The following LSMEM2 variants were observed in gnomAD, a reference collection of about 807,000 sequenced individuals.
The protein encoded by LSMEM2 is leucine-rich single-pass membrane protein 2.
LSMEM2 carries 20 observed loss-of-function variants against 17.3 expected under a neutral mutation model. That is an observed-to-expected ratio of 1.16 (90% CI 0.81 to 1.68). The LOEUF is 1.68. LSMEM2 is among the 40% of genes most tolerant of loss of function. The pLI is 0.00. For missense variants in LSMEM2, 207 were observed against 214.3 expected (o/e 0.97, Z 0.21); for synonymous variants, 94 against 97.8 (o/e 0.96, Z 0.23).
Position 50,287,291 on chromosome 3 carries a change from G to T in LSMEM2, c.*89G>T. ...GGTCTCTCCTTCCCTACTGCTGGCT[G>T]CCACATCTACACTATTTCCTTGGTG... On this transcript the variant is annotated 3_prime_UTR_variant, in exon 4 of 4. Transcript: ENST00000316436. 3 of 1,509,628 alleles carry T rather than the reference G, an allele frequency of 2.0e-6. No homozygotes were observed. Among genetic ancestry groups the T allele is most frequent in the Non-Finnish European group, 1.8e-6 (2 of 1,099,230 alleles). The allele number at this position is 1,509,628 out of a possible 1,614,324, so 93.5% of individuals were successfully genotyped here. A position where few individuals can be genotyped will look rare whatever the true frequency, so the allele number is the denominator to read the frequency against.
At chr3:50,284,203 C>CAAAA (rs1235329401) in intron 1 of LSMEM2, among the ~76,000 whole-genome samples, 2 of 41,352 alleles carry the variant, frequency 4.8e-5, no homozygotes, top group African/African-American at 1.1e-4. Flanking sequence ...AAGACTGTCT[C>CAAAA]AAAAAAAAAA....
Position 50,288,040 on chromosome 3 carries a change from G to A in LSMEM2, c.*838G>A, listed in dbSNP as rs1013811585. ...AAAGGGGTCAGGGTCCCAAGTGTCC[G>A]GGCCCCCAGCTACCCACCCCATGTC... On this transcript the variant is annotated 3_prime_UTR_variant, in exon 4 of 4. Transcript: ENST00000316436. 22 of 697,580 alleles carry A rather than the reference G, an allele frequency of 3.2e-5. No homozygotes were observed. The highest frequency in any genetic ancestry group is 2.3e-4 in the South Asian group (13 of 57,744). 43.2% of individuals were successfully genotyped at this position (697,580 alleles called of 1,614,324 possible).
chr3:50,278,284 G>T (rs1391318215), upstream of LSMEM2, among the ~76,000 whole-genome samples: 1 of 152,208 alleles, frequency 6.6e-6, no homozygotes, highest in African/African-American at 2.4e-5. Context: ...CTGGAAGCTG[G>T]ACCACCTCCT....
chr3:50,278,571 G>A (rs587769382), upstream of LSMEM2, among the ~76,000 whole-genome samples: 8 of 152,150 alleles, frequency 5.3e-5, no homozygotes, highest in African/African-American at 1.7e-4. Flanking sequence ...CAGCATGGGT[G>A]CTGTTGGTGT....
At chr3:50,279,861 T>C (rs1701352271) in intron 1 of LSMEM2, among the ~76,000 whole-genome samples, 1 of 151,272 alleles carries the variant, frequency 6.6e-6, no homozygotes, top group Non-Finnish European at 1.5e-5. Flanking sequence ...AGCAAGCTCC[T>C]CTTATCACAT....
At position 50,279,090 on chromosome 3, in the gene LSMEM2, G is replaced by GC. The variant is rs1553707454; in HGVS notation, c.-23dup. On this transcript the variant is annotated 5_prime_UTR_variant, in exon 1 of 4. Coordinates refer to ENST00000316436, the MANE Select transcript of LSMEM2 (RefSeq NM_153215.3). The stretch of plus-strand genomic sequence containing the variant: ...CTGGGCTCACAAAGGAGCCACTGCT[G>GC]CATTTGTCCAGTCCTGCTACTGGAT... The GC allele has an allele frequency of 1.2e-6, 2 of 1,613,886 alleles. No homozygotes were observed. The highest frequency in any genetic ancestry group is 4.5e-5 in the East Asian group (2 of 44,880).
intron 1 of LSMEM2, among the ~76,000 whole-genome samples, chr3:50,281,346 C>T (rs1392505923): frequency 6.8e-6 from 1 of 147,468 alleles, no homozygotes; most frequent in Non-Finnish European, 1.5e-5. Context: ...AGGCATGGGC[C>T]ACTGCGCCCG....
chr3:50,285,302 G>A (rs1353427279), intron 1 of LSMEM2, among the ~76,000 whole-genome samples: 1 of 151,928 alleles, frequency 6.6e-6, no homozygotes, highest in Non-Finnish European at 1.5e-5. Flanking sequence ...TTGCACTCCA[G>A]CCTGGGCGAC....
intron 1 of LSMEM2, among the ~76,000 whole-genome samples, chr3:50,284,647 C>T (rs1164517094): frequency 5.3e-5 from 8 of 152,300 alleles, no homozygotes; most frequent in African/African-American, 1.7e-4. Context: ...GCAGGAGGAT[C>T]ACCTGAGCCC....
Position 50,286,843 on chromosome 3 carries a change from C to T in LSMEM2, c.342C>T (p.Leu114=), listed in dbSNP as rs1553708611. Residue 114 remains leucine, a synonymous_variant, in exon 3 of 4, where the codon CTC becomes CTT. Transcript: ENST00000316436. ...LLVLTCLVLA[L]LAVYLSVLQS... ...TGCTCACTTGCCTAGTGCTCGCACT[C>T]CTGGCTGTCTACCTGAGCGGTATGG... is the stretch of plus-strand genomic sequence containing the variant. 6.2e-7 allele frequency: 1 copy of T among 1,613,820 alleles called. No homozygotes were observed. The highest frequency in any genetic ancestry group is 2.2e-5 in the East Asian group (1 of 44,886).
At chr3:50,281,358 C>A (rs1559796297) in intron 1 of LSMEM2, among the ~76,000 whole-genome samples, 1 of 137,862 alleles carries the variant, frequency 7.3e-6, no homozygotes, top group Non-Finnish European at 1.5e-5. Flanking sequence ...CTGCGCCCGG[C>A]CCTTTTTTTT....
At chr3:50,279,736 C>T (rs886594760) in intron 1 of LSMEM2, among the ~76,000 whole-genome samples, 1 of 152,124 alleles carries the variant, frequency 6.6e-6, no homozygotes, top group African/African-American at 2.4e-5. Context: ...TACTGATGCT[C>T]AGAGGGGCCA....
intron 1 of LSMEM2, among the ~76,000 whole-genome samples, chr3:50,281,886 C>A (rs1259962211): frequency 5.3e-5 from 8 of 151,876 alleles, no homozygotes; most frequent in Non-Finnish European, 1.2e-4. Context: ...AGGTCTAGCT[C>A]TGTCGCCCAG....
intron 1 of LSMEM2, among the ~76,000 whole-genome samples, chr3:50,285,815 C>T (rs1701505387): frequency 6.6e-6 from 1 of 152,118 alleles, no homozygotes; most frequent in Admixed American, 6.5e-5. Flanking sequence ...GCGCTCCAGC[C>T]TGGGCAACAA....
intron 1 of LSMEM2, among the ~76,000 whole-genome samples, chr3:50,285,759 T>C (rs1701503020): frequency 1.3e-5 from 2 of 151,980 alleles, no homozygotes; most frequent in Admixed American, 1.3e-4. Context: ...GTCCTGGGGG[T>C]TAATTTCAAA....
chr3:50,282,528 G>C (rs752881578), intron 1 of LSMEM2, among the ~76,000 whole-genome samples: 7 of 152,178 alleles, frequency 4.6e-5, no homozygotes, highest in Non-Finnish European at 1.0e-4. Context: ...TGGGTATCTG[G>C]AGCTCTTGGC....
Position 50,287,397 on chromosome 3 carries a change from T to A in LSMEM2, c.*195T>A, listed in dbSNP as rs113188528. 4.2e-4 allele frequency: 324 copies of A among 763,846 alleles called. No homozygotes were observed. The African/African-American group carries it at 5.0e-3, about 12-fold the overall frequency. The allele number at this position is 763,846 out of a possible 1,614,324, so 47.3% of individuals were successfully genotyped here. A position where few individuals can be genotyped will look rare whatever the true frequency, so the allele number is the denominator to read the frequency against. On this transcript the variant is annotated 3_prime_UTR_variant, in exon 4 of 4. Coordinates refer to ENST00000316436, the MANE Select transcript of LSMEM2 (RefSeq NM_153215.3). ...TCTTCAAGCCAGGCCTAGCCAAGCC[T>A]CTGGTGCCAAAGCCTCGCTTTGGGT...
In LSMEM2 at chr3:50,286,784, CGAG is replaced by C. The variant is rs1559799553; in HGVS notation, c.288_290del (p.Gly97del). On this transcript the variant is annotated inframe_deletion, in exon 3 of 4. Transcript: ENST00000316436. The stretch of plus-strand genomic sequence containing the variant: ...GGCTGGCTGCAGCCCTGTGTACAGA[CGAG>C]GAGGGTTCCTGCTGCTGCTCGCGCT... 2 of 1,614,174 alleles carry C rather than the reference CGAG, an allele frequency of 1.2e-6. No homozygotes were observed. The highest frequency in any genetic ancestry group is 1.1e-5 in the South Asian group (1 of 91,088).
At chr3:50,279,474 C>T (rs587665436) in intron 1 of LSMEM2, among the ~76,000 whole-genome samples, 1 of 152,314 alleles carries the variant, frequency 6.6e-6, no homozygotes, top group Admixed American at 6.5e-5. Context: ...TGGGTGTGGG[C>T]ATCCGGTCAG....
Sources: allele counts gnomAD v4.1 joint callset (sites outside exome capture counted in the v4.1 genomes callset), GRCh38; gene constraint gnomAD v4.1.1; transcripts MANE v1.5; gene names NCBI Gene and HGNC (gene_info 2026-07-23, HGNC 2026-07-21).